SNTG1: variants seen among roughly 807,000 people sequenced by gnomAD.
SNTG1 encodes the protein gamma-1-syntrophin.
In SNTG1, 39 loss-of-function variants were observed where a neutral mutation model predicts 74.7. The observed-to-expected ratio is 0.52, with a 90% CI of 0.40 to 0.68. The LOEUF (loss-of-function observed/expected upper bound fraction) is 0.68, where lower values mean the gene tolerates loss of function less well. Among genes scored for constraint, SNTG1 ranks in the 30% least tolerant of loss-of-function variants. The pLI is 0.00. For missense variants in SNTG1, 685 were observed against 609.5 expected, an observed-to-expected ratio of 1.12 and a Z score of -1.30; for synonymous variants, 254 against 217.1, an observed-to-expected ratio of 1.17 and a Z score of -1.49.
intron 12 of SNTG1, among the ~76,000 whole-genome samples, chr8:50,583,462 A>G (rs2094625332): frequency 6.6e-6 from 1 of 151,932 alleles, no homozygotes; most frequent in Non-Finnish European, 1.5e-5. Context: ...ATAGAAAATA[A>G]CTAGCATCAA....
At chr8:50,249,178 T>G (rs947385170) in intron 2 of SNTG1, among the ~76,000 whole-genome samples, 1 of 152,194 alleles carries the variant, frequency 6.6e-6, no homozygotes, top group African/African-American at 2.4e-5. Flanking sequence ...GAGGAGGATC[T>G]TCTAGTCCTT....
intron 14 of SNTG1, among the ~76,000 whole-genome samples, chr8:50,657,300 G>A (rs992799585): frequency 6.6e-5 from 10 of 152,062 alleles, no homozygotes; most frequent in African/African-American, 2.2e-4. Flanking sequence ...ATCTCATGAC[G>A]ACATGGGAAA....
Position 50,682,856 on chromosome 8 carries a change from T to C in SNTG1, c.1039-21744T>C, listed in dbSNP as rs546367666. Among the ~76,000 whole-genome samples the C allele has an allele frequency of 7.2e-4, 110 of 152,286 alleles. 2 individuals are homozygous for C. In the South Asian group the frequency reaches 9.5e-3, roughly 13 times the overall value. ...ACACAAGCCTGAGGTCCTTTGAATTTGTTGCCTTCCTCTCCAAATAGCTTA... is the reference window on the plus strand; with the variant it reads ...ACACAAGCCTGAGGTCCTTTGAATTCGTTGCCTTCCTCTCCAAATAGCTTA... On this transcript the variant is annotated intron_variant, in intron 15 of 18. Transcript: ENST00000642720.
intron 18 of SNTG1, among the ~76,000 whole-genome samples, chr8:50,787,974 G>A (rs1004397893): frequency 6.6e-6 from 1 of 151,998 alleles, no homozygotes; most frequent in Non-Finnish European, 1.5e-5. Flanking sequence ...GCTTTAAACA[G>A]GTGAGTATTA....
chr8:50,358,461 G>GA (rs1277679308), intron 2 of SNTG1, among the ~76,000 whole-genome samples: 2 of 152,182 alleles, frequency 1.3e-5, no homozygotes, highest in Non-Finnish European at 2.9e-5. Flanking sequence ...CACTAAAGGA[G>GA]AAAATCACAT....
chr8:50,361,568 T>A (rs936335999), intron 2 of SNTG1, among the ~76,000 whole-genome samples: 5 of 152,164 alleles, frequency 3.3e-5, no homozygotes, highest in Non-Finnish European at 7.3e-5. Context: ...TCAAAGTCGC[T>A]GGGATTACAG....
intron 9 of SNTG1, among the ~76,000 whole-genome samples, chr8:50,528,415 A>G (rs997487640): frequency 1.3e-5 from 2 of 151,994 alleles, no homozygotes; most frequent in African/African-American, 4.8e-5. Context: ...TATTACATAT[A>G]TGCTTTCGTT....
chr8:50,278,806 CA>C (rs1444230930), intron 2 of SNTG1, among the ~76,000 whole-genome samples: 1 of 150,246 alleles, frequency 6.7e-6, no homozygotes, highest in Non-Finnish European at 1.5e-5. Flanking sequence ...CACAGTGTTT[CA>C]GATAAGGCCA....
At chr8:49,919,172 T>A (rs1034675539) in intron 1 of SNTG1, among the ~76,000 whole-genome samples, 4 of 152,102 alleles carry the variant, frequency 2.6e-5, no homozygotes, top group Admixed American at 1.3e-4. Flanking sequence ...TCCTTACCAG[T>A]TATAGTTCTA....
intron 2 of SNTG1, among the ~76,000 whole-genome samples, chr8:50,187,236 T>G (rs1180890930): frequency 6.6e-6 from 1 of 152,092 alleles, no homozygotes; most frequent in Non-Finnish European, 1.5e-5. Context: ...AGAACAAAGC[T>G]GGAGGCACCC....
chr8:50,590,500 T>C (rs1287928746), intron 12 of SNTG1, among the ~76,000 whole-genome samples: 2 of 152,108 alleles, frequency 1.3e-5, no homozygotes, highest in Non-Finnish European at 2.9e-5. Flanking sequence ...TTCCCTGTTC[T>C]CTTGAGTGCT....
At chr8:50,594,376 A>G (rs558791289) in intron 13 of SNTG1, among the ~76,000 whole-genome samples, 2 of 152,288 alleles carry the variant, frequency 1.3e-5, no homozygotes, top group African/African-American at 4.8e-5. Flanking sequence ...TGGGAGTAAC[A>G]TTATAAAGTA....
intron 18 of SNTG1, among the ~76,000 whole-genome samples, chr8:50,770,997 A>G (rs1459940279): frequency 1.3e-5 from 2 of 152,102 alleles, no homozygotes; most frequent in East Asian, 1.9e-4. Context: ...TGCTTTTTTA[A>G]AAGATAAATT....
chr8:50,646,008 G>A (rs950584414), intron 13 of SNTG1, among the ~76,000 whole-genome samples: 1 of 151,870 alleles, frequency 6.6e-6, no homozygotes, highest in African/African-American at 2.4e-5. Context: ...AAATGTTTTT[G>A]TACTCGTTAA....
chr8:50,491,907 C>T (rs1373501477), intron 8 of SNTG1, among the ~76,000 whole-genome samples: 2 of 150,588 alleles, frequency 1.3e-5, no homozygotes, highest in African/African-American at 4.9e-5. Context: ...ACCCGCAGGC[C>T]CCAGTGTGTG....
intron 2 of SNTG1, among the ~76,000 whole-genome samples, chr8:50,230,262 C>CA (rs1218751615): frequency 6.6e-6 from 1 of 150,856 alleles, no homozygotes; most frequent in Non-Finnish European, 1.5e-5. Context: ...ATCAATGAAA[C>CA]AAAAATCTGT....
chr8:50,301,128 G>T (rs2089627696), intron 2 of SNTG1, among the ~76,000 whole-genome samples: 1 of 152,032 alleles, frequency 6.6e-6, no homozygotes, highest in Non-Finnish European at 1.5e-5. Context: ...ATCAACTGTG[G>T]AAAGTTTTTA....
chr8:50,373,476 A>G (rs2131167690), intron 2 of SNTG1, among the ~76,000 whole-genome samples: 1 of 152,304 alleles, frequency 6.6e-6, no homozygotes, highest in African/African-American at 2.4e-5. Flanking sequence ...GTATAATGTT[A>G]CCATGTGATT....
intron 2 of SNTG1, among the ~76,000 whole-genome samples, chr8:50,221,356 T>C (rs2085055546): frequency 6.6e-6 from 1 of 151,958 alleles, no homozygotes; most frequent in Non-Finnish European, 1.5e-5. Flanking sequence ...GGAATTAAAA[T>C]GGAAAACAAA....
Sources: gnomAD v4.1 joint callset for allele counts (sites outside exome capture counted in the v4.1 genomes callset) on GRCh38, gnomAD v4.1.1 for gene constraint, MANE v1.5 for transcripts, NCBI Gene and HGNC (gene_info 2026-07-23, HGNC 2026-07-21) for gene names.